The following PDS5A variants were observed in gnomAD, a reference collection of about 807,000 sequenced individuals.
PDS5A encodes sister chromatid cohesion protein PDS5 homolog A.
In PDS5A, 42 loss-of-function variants were observed where a neutral mutation model predicts 167.1. That is an observed-to-expected ratio of 0.25 (90% CI 0.20 to 0.33). The LOEUF is 0.33. PDS5A is among the 10% of genes least tolerant of loss of function. The pLI is 1.00. For missense variants in PDS5A, 1,033 were observed against 1,605.9 expected (o/e 0.64, Z 6.10); for synonymous variants, 553 against 554.6 (o/e 1.00, Z 0.04).
intron 2 of PDS5A, among the ~76,000 whole-genome samples, chr4:39,930,246 A>AAAATTTTTTTTT: frequency 4.3e-5 from 4 of 93,086 alleles, no homozygotes; most frequent in Non-Finnish European, 9.0e-5. Context: ...AAAAAAAAAA[A>AAAATTTTTTTTT]GTTTTTTTGT....
intron 2 of PDS5A, among the ~76,000 whole-genome samples, chr4:39,938,762 G>C (rs1726915751): frequency 6.6e-6 from 1 of 150,890 alleles, no homozygotes; most frequent in South Asian, 2.1e-4. Flanking sequence ...ACAAGGTCAG[G>C]AGATCAAGAC....
intron 32 of PDS5A, among the ~76,000 whole-genome samples, chr4:39,826,473 T>A (rs928512820): frequency 2.8e-5 from 4 of 143,714 alleles, no homozygotes; most frequent in African/African-American, 7.6e-5. Flanking sequence ...CATTCCACAT[T>A]TTTATTTATT....
intron 8 of PDS5A, 60 bp downstream of exon 8, chr4:39,916,988 T>C (rs1239312996): frequency 1.9e-6 from 2 of 1,026,870 alleles, no homozygotes; most frequent in Non-Finnish European, 2.7e-6. Flanking sequence ...CAATTTTACA[T>C]TGTGCCTGCT....
At position 39,951,804 on chromosome 4, in the gene PDS5A, G is replaced by C. The variant is rs1578811675; in HGVS notation, c.139-23640C>G. On this transcript the variant is annotated intron_variant, in intron 2 of 32. Transcript: ENST00000303538. ...AGTCCCAGCTACTCAGGAGGCTGAGGCAGGAGAATCGCCTGAACCCGGAAG... is the reference window on the plus strand; with the variant it reads ...AGTCCCAGCTACTCAGGAGGCTGAGCCAGGAGAATCGCCTGAACCCGGAAG... Among the ~76,000 whole-genome samples, 2 of 150,490 alleles carry C rather than the reference G, an allele frequency of 1.3e-5. 1 individual carries two copies.
rs1194304780 is a variant in PDS5A at position 39,949,255 on chromosome 4, T to G, written c.139-21091A>C. On this transcript the variant is annotated intron_variant, in intron 2 of 32. Transcript: ENST00000303538. ...AGGTCGAGGCTTCAGTGAACCCAGA[T>G]GGAGCCACTACATTTTAGCGTGGAT... Among the ~76,000 whole-genome samples, 3 of 132,068 alleles carry G rather than the reference T, an allele frequency of 2.3e-5. No individual in the cohort carries two copies. In the Admixed American group the frequency reaches 2.8e-4, roughly 12 times the overall value. 86.6% of individuals were successfully genotyped at this position (132,068 alleles called of 152,430 possible).
chr4:39,856,452 A>G (rs1718532732), intron 26 of PDS5A, among the ~76,000 whole-genome samples: 2 of 152,230 alleles, frequency 1.3e-5, no homozygotes, highest in Non-Finnish European at 2.9e-5. Flanking sequence ...GAAAGTAACC[A>G]TACAGGTACA....
intron 13 of PDS5A, among the ~76,000 whole-genome samples, chr4:39,901,740 A>T (rs1722905279): frequency 6.6e-6 from 1 of 152,196 alleles, no homozygotes. Context: ...TCAGATCAGA[A>T]TTCTTAATGA....
At chr4:39,928,217 A>T (rs1725636307) in intron 2 of PDS5A, 53 bp from the exon 3 acceptor site, 3 of 1,228,372 alleles carry the variant, frequency 2.4e-6, no homozygotes, top group Non-Finnish European at 3.5e-6. Context: ...TTTAGAAATC[A>T]GTGGAGGATG....
intron 2 of PDS5A, chr4:39,932,463 G>T: frequency 4.5e-6 from 1 of 221,500 alleles, no homozygotes; most frequent in South Asian, 8.8e-5. Context: ...ACACAACCAA[G>T]GGGAGAAAAC....
At chr4:39,962,307 T>C (rs375047498) in intron 2 of PDS5A, among the ~76,000 whole-genome samples, 10 of 151,962 alleles carry the variant, frequency 6.6e-5, no homozygotes, top group South Asian at 4.2e-4. Flanking sequence ...CCGCCCGCCT[T>C]GGCCTCCCAA....
intron 2 of PDS5A, among the ~76,000 whole-genome samples, chr4:39,956,100 A>G (rs1162928851): frequency 6.6e-6 from 1 of 151,844 alleles, no homozygotes; most frequent in Non-Finnish European, 1.5e-5. Context: ...CTTAAGAAAC[A>G]GACTGAGACT....
In PDS5A at chr4:39,976,467, G is replaced by A; in HGVS notation, c.111C>T (p.Thr37=). The part of the protein sequence containing the change: ...PGVKEITDKI[T]TDEMIKRLKM... The stretch of plus-strand genomic sequence containing the variant: ...TCAGGCGTTTGATCATCTCGTCCGT[G>A]GTGATCTTGTCGGTGATCTCTTTTA... Residue 37 remains threonine, a synonymous_variant, in exon 2 of 33, where the codon ACC becomes ACT. Coordinates refer to ENST00000303538, the MANE Select transcript of PDS5A (RefSeq NM_001100399.2). 1 of 1,613,370 alleles carries A rather than the reference G, an allele frequency of 6.2e-7. No homozygotes were observed. The highest frequency in any genetic ancestry group is 1.3e-5 in the African/African-American group (1 of 74,992).
At chr4:39,894,214 C>G (rs1722204453) in intron 16 of PDS5A, among the ~76,000 whole-genome samples, 1 of 152,052 alleles carries the variant, frequency 6.6e-6, no homozygotes, top group African/African-American at 2.4e-5. Context: ...TCAAGACCAG[C>G]CTGGGCAACA....
rs1191884910 is a variant in PDS5A at position 39,900,459 on chromosome 4, T to C, written c.1548A>G (p.Val516=). Residue 516 remains valine (V), a synonymous_variant, in exon 14 of 33, where the codon GTA becomes GTG. Coordinates refer to ENST00000303538, the MANE Select transcript of PDS5A (RefSeq NM_001100399.2). ...GCTTGTGCAAATCCAATAGTTCGCG[T>C]ACATGGCTCCGAAGCATGTTCTGAC... ...WKCQNMLRSH[V]RELLDLHKQP... is the part of the protein sequence containing the mutation. 2 of 1,584,776 alleles carry C rather than the reference T, an allele frequency of 1.3e-6. No individual in the cohort carries two copies. The highest frequency in any genetic ancestry group is 1.8e-5 in the Admixed American group (1 of 55,798).
intron 30 of PDS5A, among the ~76,000 whole-genome samples, 178 bp downstream of exon 30, chr4:39,844,478 C>CAA (rs9306976): frequency 1.5e-5 from 2 of 130,282 alleles, no homozygotes; most frequent in East Asian, 2.2e-4. Context: ...GACTTTGTCT[C>CAA]AAAAAAAAAA....
chr4:39,977,508 T>G lies in PDS5A; in HGVS notation c.-92A>C, dbSNP rs1396469188. 6.5e-6 allele frequency: 1 copy of G among 154,844 alleles called. No individual in the cohort carries two copies. The highest frequency in any genetic ancestry group is 1.4e-5 in the Non-Finnish European group (1 of 70,646). 9.6% of individuals were successfully genotyped at this position (154,844 alleles called of 1,614,324 possible). A position where few individuals can be genotyped will look rare whatever the true frequency, so the allele number is the denominator to read the frequency against. On this transcript the variant is annotated 5_prime_UTR_variant, in exon 1 of 33. Transcript: ENST00000303538. This position sits in a 1 kb window ranked among gnomAD's most constrained non-coding sequence, Gnocchi z 4.2. ...ATCGAGCGCCCGGGCCTCTGTCAGG[T>G]GGTTGCGCCGCCGCCCCTAGTCGGG...
intron 2 of PDS5A, among the ~76,000 whole-genome samples, chr4:39,935,053 T>G (rs1726461627): frequency 6.6e-6 from 1 of 152,240 alleles, no homozygotes; most frequent in Non-Finnish European, 1.5e-5. Context: ...TTTTATGGTT[T>G]GTGCTTTGTG....
intron 10 of PDS5A, among the ~76,000 whole-genome samples, chr4:39,909,141 AAAC>A (rs1259574228): frequency 6.6e-6 from 1 of 150,872 alleles, no homozygotes; most frequent in Non-Finnish European, 1.5e-5. Context: ...TTTGTTGTTG[AAAC>A]AACAACAAAA....
chr4:39,854,535 A>G (rs1484439539), intron 26 of PDS5A, among the ~76,000 whole-genome samples: 3 of 152,144 alleles, frequency 2.0e-5, no homozygotes, highest in African/African-American at 7.2e-5. Flanking sequence ...TGAAGTCTAC[A>G]CTATTAGAAG....
Sources: gnomAD v4.1 joint callset for allele counts (sites outside exome capture counted in the v4.1 genomes callset) on GRCh38, gnomAD v4.1.1 for gene constraint, Gnocchi (gnomAD v3.1) non-coding constraint, MANE v1.5 for transcripts, NCBI Gene and HGNC (gene_info 2026-07-23, HGNC 2026-07-21) for gene names.